Variants in CLEC12B observed in about 807,000 individuals in gnomAD.
CLEC12B encodes C-type lectin domain family 12 member B, also known as macrophage antigen h.
In CLEC12B, 25 loss-of-function variants were observed where a neutral mutation model predicts 36.1. That is an observed-to-expected ratio of 0.69 (90% CI 0.50 to 0.97). The LOEUF (loss-of-function observed/expected upper bound fraction) is 0.97, where lower values mean the gene tolerates loss of function less well. Among genes scored for constraint, CLEC12B ranks in the 50% least tolerant of loss-of-function variants. The probability of loss-of-function intolerance (pLI) is 0.00; values close to 1 mark genes in which losing one functional copy is unlikely to be tolerated. For missense variants in CLEC12B, 325 were observed against 318.4 expected, an observed-to-expected ratio of 1.02 and a Z score of -0.16; for synonymous variants, 110 against 108.5, an observed-to-expected ratio of 1.01 and a Z score of -0.09.
intron 5 of CLEC12B, chr12:10,016,551 A>G (rs774622144): frequency 1.0e-5 from 3 of 292,110 alleles, no homozygotes; most frequent in Non-Finnish European, 1.5e-5. Flanking sequence ...CATTTAAATG[A>G]AACAACTGTA....
intron 5 of CLEC12B, chr12:10,017,381 C>A: frequency 6.1e-6 from 6 of 985,342 alleles, no homozygotes; most frequent in Non-Finnish European, 7.2e-6. Flanking sequence ...ACTATGACAT[C>A]ATGTAAACAC....
At chr12:10,015,893 CTG>C in intron 5 of CLEC12B, 166 bp downstream of exon 5, 2 of 1,420,564 alleles carry the variant, frequency 1.4e-6, no homozygotes, top group Non-Finnish European at 1.8e-6. Context: ...CATTTCATCT[CTG>C]TGACAAATTT....
upstream of CLEC12B, among the ~76,000 whole-genome samples, chr12:10,006,566 G>C (rs1286271488): frequency 2.0e-5 from 3 of 151,968 alleles, no homozygotes; most frequent in Admixed American, 2.0e-4. Flanking sequence ...TGGGTTGTGA[G>C]TGAAGCAAAA....
At chr12:10,014,470 A>G in intron 2 of CLEC12B, 53 bp from the exon 3 acceptor site, 1 of 1,236,128 alleles carries the variant, frequency 8.1e-7, no homozygotes, top group Non-Finnish European at 1.2e-6. Context: ...AGAATTATCT[A>G]CAGTTATAAG....
At chr12:10,009,001 C>A (rs902931292), upstream of CLEC12B, among the ~76,000 whole-genome samples, 6 of 152,112 alleles carry the variant, frequency 3.9e-5, no homozygotes, top group Non-Finnish European at 8.8e-5. Flanking sequence ...GTAAAACGCA[C>A]CGATCAGCGC....
chr12:10,010,377 A>G (rs1440636310), upstream of CLEC12B, among the ~76,000 whole-genome samples: 6 of 152,210 alleles, frequency 3.9e-5, no homozygotes, highest in Non-Finnish European at 1.5e-5. Context: ...CCTTAGATAG[A>G]TGTAAAGAAG....
In CLEC12B at chr12:10,015,322, T is replaced by A. The variant is rs1274818768; in HGVS notation, c.480T>A (p.Asn160Lys). The A allele has an allele frequency of 4.3e-6, 7 of 1,613,256 alleles. No homozygotes were observed. The Admixed American group carries it at 8.3e-5, about 19-fold the overall frequency. ...ATAGTTGCTACTATTTTACAACAAA[T>A]GAGGAGAAAACCTGGGCTAACAGTA... ...YQNSCYYFTT[N>K]EEKTWANSRK... The change falls in exon 4 of 6, where the codon AAT becomes AAA. Residue 160 changes from asparagine (N) to lysine (K), a missense_variant. Asn to Lys is a moderately conservative substitution (Grantham distance 94). Coordinates refer to ENST00000338896, the MANE Select transcript of CLEC12B (RefSeq NM_001129998.3).
upstream of CLEC12B, among the ~76,000 whole-genome samples, chr12:10,010,198 T>TCACACACACACACACACACACACA: frequency 1.0e-5 from 1 of 96,810 alleles, no homozygotes; most frequent in African/African-American, 3.8e-5. Flanking sequence ...TCTGTCTCTC[T>TCACACACACACACACACACACACA]CTCACACACA....
chr12:10,017,451 T>G (rs1450337243), intron 5 of CLEC12B: 2 of 985,280 alleles, frequency 2.0e-6, no homozygotes, highest in Non-Finnish European at 2.4e-6. Context: ...TTTTAATCAT[T>G]CTTGGCCTCT....
chr12:10,008,509 A>C (rs1865256732), upstream of CLEC12B, among the ~76,000 whole-genome samples: 1 of 152,224 alleles, frequency 6.6e-6, no homozygotes, highest in Non-Finnish European at 1.5e-5. Flanking sequence ...TTGAAAAAAT[A>C]ATGAAGAAAT....
Position 10,010,736 on chromosome 12 carries a change from T to C in CLEC12B, c.-24T>C. The C allele has an allele frequency of 2.1e-6, 3 of 1,455,362 alleles. No homozygotes were observed. The highest frequency in any genetic ancestry group is 2.9e-6 in the Non-Finnish European group (3 of 1,038,010). 90.2% of individuals were successfully genotyped at this position (1,455,362 alleles called of 1,614,324 possible). A position where few individuals can be genotyped will look rare whatever the true frequency, so the allele number is the denominator to read the frequency against. On this transcript the variant is annotated 5_prime_UTR_variant, in exon 1 of 6. Coordinates refer to ENST00000338896, the MANE Select transcript of CLEC12B (RefSeq NM_001129998.3). ...AGATATTGAAACATTAATTAGATAA[T>C]TTAAAGTAGCGTTTTCTTCTACAAT...
chr12:10,007,151 A>G (rs1865239590), upstream of CLEC12B, among the ~76,000 whole-genome samples: 1 of 152,128 alleles, frequency 6.6e-6, no homozygotes, highest in Non-Finnish European at 1.5e-5. Context: ...TCATAGAGAA[A>G]TTTTTGAACC....
At position 10,015,630 on chromosome 12, in the gene CLEC12B, C is replaced by G; in HGVS notation, c.583C>G (p.Pro195Ala). Reference sequence around the variant, plus strand: ...CTCTTAGGATTTTCTTATGTCACAGCCATTACTCATGTTTTCGTTCTTTTG... The same window carrying G: ...CTCTTAGGATTTTCTTATGTCACAGGCATTACTCATGTTTTCGTTCTTTTG... ...LEEKDFLMSQPLLMFSFFWLG... is the reference protein window; with the variant it reads ...LEEKDFLMSQALLMFSFFWLG... The change falls in exon 5 of 6, where the codon CCA (proline) becomes GCA (alanine). Residue 195 changes from proline (P) to alanine (A), a missense_variant. Pro to Ala is a conservative substitution (Grantham distance 27). Coordinates refer to ENST00000338896, the MANE Select transcript of CLEC12B (RefSeq NM_001129998.3). The G allele has an allele frequency of 6.2e-7, 1 of 1,613,664 alleles. No homozygotes were observed. The highest frequency in any genetic ancestry group is 1.7e-4 in the Middle Eastern group (1 of 6,060).
At chr12:10,010,165 C>G (rs1323545204), upstream of CLEC12B, among the ~76,000 whole-genome samples, 1 of 145,152 alleles carries the variant, frequency 6.9e-6, no homozygotes, top group Non-Finnish European at 1.5e-5. Context: ...CTCTCTCTCT[C>G]TGTCTCTCTC....
upstream of CLEC12B, among the ~76,000 whole-genome samples, chr12:10,006,938 C>G (rs893904030): frequency 1.3e-5 from 2 of 151,902 alleles, no homozygotes; most frequent in Non-Finnish European, 2.9e-5. Flanking sequence ...GCCTGTAGTC[C>G]CAGTTACTCT....
chr12:10,010,833 A>G lies in CLEC12B; in HGVS notation c.74A>G (p.Asn25Ser). Residue 25 changes from asparagine to serine, a missense_variant, in exon 1 of 6, where the codon AAT becomes AGT. By Grantham distance (46) the Asn-to-Ser change is conservative. Transcript: ENST00000338896. ...GGAGCAAGGAATAACCGAGATGGAA[A>G]TAACCTAAGAAAAAGAGGTAGGAGT... Reference protein sequence around the residue: ...SAGARNNRDGNNLRKRGHPAP... With the variant: ...SAGARNNRDGSNLRKRGHPAP... 1.2e-6 allele frequency: 2 copies of G among 1,610,580 alleles called. No homozygotes were observed. Among genetic ancestry groups the G allele is most frequent in the Non-Finnish European group, 1.7e-6 (2 of 1,177,206 alleles).
intron 2 of CLEC12B, 52 bp from the exon 3 acceptor site, chr12:10,014,471 C>A (rs1029039315): frequency 1.6e-6 from 2 of 1,241,402 alleles, no homozygotes; most frequent in Non-Finnish European, 2.3e-6. Context: ...GAATTATCTA[C>A]AGTTATAAGA....
At chr12:10,015,551 T>C (rs1467942936) in intron 4 of CLEC12B, 61 bp from the exon 5 acceptor site, 1 of 1,607,418 alleles carries the variant, frequency 6.2e-7, no homozygotes, top group African/African-American at 1.3e-5. Context: ...CTCATCTATC[T>C]TAACTCTGCA....
chr12:10,009,904 T>C (rs1865283159), upstream of CLEC12B, among the ~76,000 whole-genome samples: 2 of 151,998 alleles, frequency 1.3e-5, no homozygotes, highest in Non-Finnish European at 2.9e-5. Flanking sequence ...TCCCCCCCCA[T>C]ATTTTCCTGG....
Sources: allele counts gnomAD v4.1 joint callset (sites outside exome capture counted in the v4.1 genomes callset), GRCh38; gene constraint gnomAD v4.1.1; transcripts MANE v1.5; gene names NCBI Gene and HGNC (gene_info 2026-07-23, HGNC 2026-07-21).